Variants in TMEM31 observed in about 807,000 individuals in gnomAD.
The protein encoded by TMEM31 is transmembrane protein 31.
A neutral mutation model predicts 2.4 loss-of-function variants in TMEM31; 1 was observed. The ratio of observed to expected loss-of-function variants is 0.42; its 90% CI spans 0.15 to 1.97. The LOEUF is 1.97. Among genes scored for constraint, TMEM31 ranks in the 30% most tolerant of loss-of-function variants. TMEM31 has a pLI of 0.30. For missense variants in TMEM31, 119 were observed against 121.3 expected (o/e 0.98, Z 0.09); for synonymous variants, 47 against 45.8 (o/e 1.03, Z -0.10).
intron 1 of TMEM31, among the ~76,000 whole-genome samples, chrX:103,712,005 A>G (rs763002539): frequency 2.7e-5 from 3 of 111,880 alleles, no homozygotes; most frequent in Admixed American, 9.5e-5. Context: ...GACAGAAAAC[A>G]TGGAGTCAGA....
chrX:103,713,154 A>C (rs2147724421), intron 2 of TMEM31, among the ~76,000 whole-genome samples: 1 of 109,026 alleles, frequency 9.2e-6, no homozygotes, highest in South Asian at 4.0e-4. Context: ...GCAATGGCTC[A>C]ATCTCGGCTC....
intron 2 of TMEM31, 144 bp from the exon 3 acceptor site, chrX:103,713,450 T>C (rs1273995105): frequency 3.7e-5 from 42 of 1,120,494 alleles, no homozygotes; most frequent in Non-Finnish European, 4.8e-5. Context: ...TCTTGGTTTG[T>C]GGGGAGGCGG....
rs749024308 is a variant in TMEM31, at chrX:103,713,251, C to T, written c.103-343C>T. Among the ~76,000 whole-genome samples, 13 of 111,511 alleles carry T rather than the reference C, an allele frequency of 1.2e-4. No individual in the cohort carries two copies. The South Asian group carries it at 4.1e-3, about 35-fold the overall frequency. ...GATTACAGGCATGCGCTACCACGCC[C>T]GGCTAATTTTGTATTTTTAGTAGAG... On this transcript the variant is annotated intron_variant, in intron 2 of 2. Transcript: ENST00000319560.
Position 103,712,889 on chromosome X carries a change from C to T in TMEM31, c.102+529C>T, listed in dbSNP as rs184494946. On this transcript the variant is annotated intron_variant, in intron 2 of 2. Transcript: ENST00000319560. ...ACTACTAGCTAACATATCTTCAGTG[C>T]TTATTCTATGTCAAGCAGTGTGCCC... Among the ~76,000 whole-genome samples the T allele has an allele frequency of 1.1e-4, 12 of 112,111 alleles. No homozygotes were observed. The East Asian group carries it at 3.3e-3, about 31-fold the overall frequency.
At chrX:103,712,666 G>A (rs1221233292) in intron 2 of TMEM31, among the ~76,000 whole-genome samples, 3 of 111,466 alleles carry the variant, frequency 2.7e-5, no homozygotes, top group African/African-American at 9.8e-5. Context: ...TGAGTAGCTG[G>A]GATTACAGGT....
intron 1 of TMEM31, 137 bp from the exon 2 acceptor site, chrX:103,712,099 A>G: frequency 2.2e-6 from 1 of 448,946 alleles, no homozygotes; most frequent in South Asian, 3.6e-5. Flanking sequence ...TTTGCTCATA[A>G]TTGGACACTT....
At chrX:103,711,963 C>T (rs1002441411) in intron 1 of TMEM31, among the ~76,000 whole-genome samples, 1 of 111,877 alleles carries the variant, frequency 8.9e-6, no homozygotes, top group Admixed American at 9.5e-5. Context: ...TCATTATGCT[C>T]TTGCCTCTCT....
At chrX:103,711,963 C>G (rs1002441411) in intron 1 of TMEM31, among the ~76,000 whole-genome samples, 1 of 111,877 alleles carries the variant, frequency 8.9e-6, no homozygotes, top group African/African-American at 3.3e-5. Flanking sequence ...TCATTATGCT[C>G]TTGCCTCTCT....
intron 1 of TMEM31, 97 bp from the exon 2 acceptor site, chrX:103,712,139 G>A (rs2074226204): frequency 1.7e-6 from 1 of 577,114 alleles, no homozygotes; most frequent in Non-Finnish European, 2.7e-6. Flanking sequence ...AGGCACCTCT[G>A]TTGTCATGAC....
In TMEM31 at chrX:103,712,384, A is replaced by G. The variant is rs1047820989; in HGVS notation, c.102+24A>G. On this transcript the variant is annotated intron_variant, in intron 2 of 2. Transcript: ENST00000319560. ...AGGCAAGTGGTGGTTTCTCAATTCC[A>G]ACTTAGTTATGGGGGTCCTCTTATA... 3 of 1,154,273 alleles carry G rather than the reference A, an allele frequency of 2.6e-6. No individual in the cohort carries two copies. In the African/African-American group the frequency reaches 5.4e-5, roughly 21 times the overall value.
rs145226297 is a variant in TMEM31 at position 103,713,633 on chromosome X, C to A, written c.142C>A (p.Gln48Lys). The A allele has an allele frequency of 3.2e-5, 39 of 1,210,659 alleles. No homozygotes were observed. In the Middle Eastern group the frequency reaches 6.9e-4, roughly 21 times the overall value. The part of the protein sequence containing the change: ...ARQRTQRADT[Q>K]PSRCRLPSRR... ...GCAGCGAACACAAAGAGCAGACACA[C>A]AGCCATCCAGATGTCGATTGCCTTC... is the stretch of plus-strand genomic sequence containing the variant. Residue 48 changes from glutamine to lysine, a missense_variant, in exon 3 of 3, where the codon CAG becomes AAG. By Grantham distance (53) the Gln-to-Lys change is moderately conservative. Transcript: ENST00000319560.
chrX:103,712,268 A>G lies in TMEM31; in HGVS notation c.10A>G (p.Thr4Ala), dbSNP rs1447645914. MRL[T>A]EKSEGEQQLK... ...CTTTACTGTAGAAGAAATGAGGTTA[A>G]CAGAAAAGAGTGAGGGAGAACAACA... Residue 4 changes from threonine (T) to alanine (A), a missense_variant, in exon 2 of 3, where the codon ACA becomes GCA. Thr to Ala is a moderately conservative substitution (Grantham distance 58). Coordinates refer to ENST00000319560, the MANE Select transcript of TMEM31 (RefSeq NM_182541.2). The G allele has an allele frequency of 8.3e-7, 1 of 1,205,658 alleles. No homozygotes were observed. Among genetic ancestry groups the G allele is most frequent in the Non-Finnish European group, 1.1e-6 (1 of 893,013 alleles).
intron 2 of TMEM31, 33 bp from the exon 3 acceptor site, chrX:103,713,561 C>A (rs2074233082): frequency 8.3e-7 from 1 of 1,211,848 alleles, no homozygotes; most frequent in Non-Finnish European, 1.1e-6. Flanking sequence ...CGTATGAATT[C>A]TTTATGCTGA....
intron 1 of TMEM31, among the ~76,000 whole-genome samples, 184 bp downstream of exon 1, chrX:103,711,260 G>A (rs2074221854): frequency 9.0e-6 from 1 of 110,568 alleles, no homozygotes; most frequent in South Asian, 3.8e-4. Flanking sequence ...CGAGGCGGGC[G>A]GATCACGAGG....
At chrX:103,711,347 G>C (rs1368728415) in intron 1 of TMEM31, among the ~76,000 whole-genome samples, 1 of 110,503 alleles carries the variant, frequency 9.0e-6, no homozygotes, top group Non-Finnish European at 1.9e-5. Context: ...AGCCGGGCGT[G>C]GTGGCGGGCG....
chrX:103,711,640 A>C (rs932152449), intron 1 of TMEM31, among the ~76,000 whole-genome samples: 13 of 111,839 alleles, frequency 1.2e-4, no homozygotes, highest in African/African-American at 4.2e-4. Flanking sequence ...GTAGTTGTGG[A>C]TTAGTCCACT....
intron 1 of TMEM31, among the ~76,000 whole-genome samples, chrX:103,711,494 A>AG (rs1253553152): frequency 9.1e-6 from 1 of 110,212 alleles, no homozygotes; most frequent in African/African-American, 3.3e-5. Flanking sequence ...AAAAAAAAAA[A>AG]AAAAAAGAAA....
At chrX:103,712,438 G>A in intron 2 of TMEM31, 78 bp downstream of exon 2, 1 of 862,536 alleles carries the variant, frequency 1.2e-6, no homozygotes, top group Non-Finnish European at 1.6e-6. Flanking sequence ...ACCAATGCCT[G>A]ATTGTTGAAT....
chrX:103,713,691 C>G lies in TMEM31; in HGVS notation c.200C>G (p.Thr67Arg), dbSNP rs1033823321. 5 of 1,210,462 alleles carry G rather than the reference C, an allele frequency of 4.1e-6. No homozygotes were observed. Among genetic ancestry groups the G allele is most frequent in the Non-Finnish European group, 5.6e-6 (5 of 895,409 alleles). Reference sequence around the variant, plus strand: ...ACACCTACAACATCCAGCGACAGAACGATCAACCTTCTTGAAGTCCTTCCG... The same window carrying G: ...ACACCTACAACATCCAGCGACAGAAGGATCAACCTTCTTGAAGTCCTTCCG... Reference protein sequence around the residue: ...RRTPTTSSDRTINLLEVLPWP... With the variant: ...RRTPTTSSDRRINLLEVLPWP... Residue 67 changes from threonine (T) to arginine (R), a missense_variant, in exon 3 of 3, where the codon ACG becomes AGG. Transcript: ENST00000319560.
Sources: allele counts gnomAD v4.1 joint callset (sites outside exome capture counted in the v4.1 genomes callset), GRCh38; gene constraint gnomAD v4.1.1; transcripts MANE v1.5; gene names NCBI Gene and HGNC (gene_info 2026-07-23, HGNC 2026-07-21).